Variants in GPHN observed in about 807,000 individuals in gnomAD.
GPHN encodes the protein gephyrin.
Under a neutral mutation model 95.5 loss-of-function variants are expected in GPHN, and 17 were observed. The observed-to-expected ratio is 0.18, with a 90% CI of 0.12 to 0.27. The LOEUF is 0.27. GPHN is among the 10% of genes least tolerant of loss of function. GPHN has a pLI of 1.00. For synonymous variants in GPHN, 320 were observed against 322.5 expected (o/e 0.99, Z 0.08); for missense variants, 660 against 978.1 (o/e 0.67, Z 4.34).
At chr14:67,650,911 G>A in the GPHN span, 1 of 1,613,916 alleles carries the variant, frequency 6.2e-7, no homozygotes, top group Non-Finnish European at 8.5e-7. Flanking sequence ...AAGCACGTGT[G>A]AGAATTTAGG....
At chr14:66,699,268 T>C (rs893699544) in intron 2 of GPHN, among the ~76,000 whole-genome samples, 4 of 152,086 alleles carry the variant, frequency 2.6e-5, no homozygotes, top group Non-Finnish European at 5.9e-5. Context: ...AGTTAATGGG[T>C]GCAGCACACC....
chr14:67,687,496 G>T, the GPHN span, among the ~76,000 whole-genome samples: 1 of 117,238 alleles, frequency 8.5e-6, no homozygotes. Context: ...TTGAGATGGA[G>T]TTTCACTCTT....
At chr14:67,427,461 G>C in the GPHN span, among the ~76,000 whole-genome samples, 1 of 152,172 alleles carries the variant, frequency 6.6e-6, no homozygotes, top group African/African-American at 2.4e-5. Flanking sequence ...GTTGAAGCAG[G>C]CCACCTTTGT....
the GPHN span, among the ~76,000 whole-genome samples, chr14:67,515,756 G>A: frequency 6.6e-6 from 1 of 152,318 alleles, no homozygotes; most frequent in East Asian, 1.9e-4. Flanking sequence ...CATCCACTGT[G>A]GGTACCATTG....
intron 10 of GPHN, among the ~76,000 whole-genome samples, chr14:67,044,769 C>T (rs1200303269): frequency 2.6e-5 from 4 of 151,650 alleles, no homozygotes. Flanking sequence ...CTGTCTCCCT[C>T]TCTCTGTCTC....
At chr14:67,342,181 AAAAT>A in the GPHN span, among the ~76,000 whole-genome samples, 25,249 of 99,442 alleles carry the variant, frequency 0.25, 2,597 homozygotes, top group Non-Finnish European at 0.27. Context: ...AATGATCAAT[AAAAT>A]AAATAAATAA....
At chr14:66,588,836 C>T (rs1213660834) in intron 1 of GPHN, among the ~76,000 whole-genome samples, 1 of 152,078 alleles carries the variant, frequency 6.6e-6, no homozygotes, top group Non-Finnish European at 1.5e-5. Context: ...AGAACTTTCC[C>T]AACCTAGCAA....
the GPHN span, among the ~76,000 whole-genome samples, chr14:67,547,972 C>G: frequency 6.6e-6 from 1 of 152,198 alleles, no homozygotes; most frequent in East Asian, 1.9e-4. Flanking sequence ...ACCCAGCCTG[C>G]CTGGGCCACC....
the GPHN span, among the ~76,000 whole-genome samples, chr14:67,716,707 A>C: frequency 6.6e-6 from 1 of 152,100 alleles, no homozygotes; most frequent in East Asian, 1.9e-4. Context: ...AACATGGTGA[A>C]ACCCCATCTC....
the GPHN span, among the ~76,000 whole-genome samples, chr14:67,652,147 T>A: frequency 2.0e-5 from 3 of 152,354 alleles, no homozygotes; most frequent in East Asian, 5.8e-4. Context: ...AATACCCTCT[T>A]ACCCCCAACT....
intron 4 of GPHN, among the ~76,000 whole-genome samples, chr14:66,873,065 T>A (rs1291862855): frequency 1.3e-5 from 2 of 152,246 alleles, no homozygotes; most frequent in African/African-American, 4.8e-5. Flanking sequence ...TGCTGCATTT[T>A]CAACTAGGTA....
intron 1 of GPHN, among the ~76,000 whole-genome samples, chr14:66,653,694 C>T (rs2065167265): frequency 6.6e-6 from 1 of 152,170 alleles, no homozygotes; most frequent in Admixed American, 6.5e-5. Flanking sequence ...CACATGTAAT[C>T]TTTTGGGGTT....
chr14:67,709,413 A>C, the GPHN span, among the ~76,000 whole-genome samples: 1 of 152,226 alleles, frequency 6.6e-6, no homozygotes, highest in East Asian at 1.9e-4. Context: ...ATAAGATATA[A>C]CTTTCATAAG....
chr14:67,192,807 T>C, the GPHN span, among the ~76,000 whole-genome samples: 2 of 147,602 alleles, frequency 1.4e-5, no homozygotes, highest in African/African-American at 2.5e-5. Flanking sequence ...TATATATAGA[T>C]ATAGATATCT....
chr14:67,721,132 G>A, the GPHN span, among the ~76,000 whole-genome samples: 1 of 152,202 alleles, frequency 6.6e-6, no homozygotes, highest in Non-Finnish European at 1.5e-5. Flanking sequence ...TGCCACAGAA[G>A]TCTTTCATGC....
At chr14:67,030,714 T>C (rs2074151895) in intron 10 of GPHN, among the ~76,000 whole-genome samples, 2 of 152,138 alleles carry the variant, frequency 1.3e-5, no homozygotes, top group Admixed American at 6.5e-5. Context: ...GTATTTACAG[T>C]GTAGTGCTTT....
chr14:67,508,760 A>AAAAAAAAAAAAAAAAAAAC, the GPHN span, among the ~76,000 whole-genome samples: 1 of 149,654 alleles, frequency 6.7e-6, no homozygotes, highest in Non-Finnish European at 1.5e-5. Flanking sequence ...TCTCAAAAAA[A>AAAAAAAAAAAAAAAAAAAC]AAAAAAAAAA....
chr14:66,545,697 C>T (rs1318649791), intron 1 of GPHN, among the ~76,000 whole-genome samples: 3 of 131,246 alleles, frequency 2.3e-5, no homozygotes, highest in Admixed American at 7.3e-5. Flanking sequence ...GCAGAGGCGC[C>T]CCTCACCTCC....
At chr14:67,202,928 G>A in the GPHN span, 1 of 289,896 alleles carries the variant, frequency 3.4e-6, no homozygotes, top group Non-Finnish European at 5.2e-6. Context: ...GGCTGTGTCT[G>A]TTCCCTGCGG....
Sources: gnomAD v4.1 joint callset for allele counts (sites outside exome capture counted in the v4.1 genomes callset) on GRCh38, gnomAD v4.1.1 for gene constraint, MANE v1.5 for transcripts, NCBI Gene and HGNC (gene_info 2026-07-23, HGNC 2026-07-21) for gene names.